The following DOT1L variants were observed in gnomAD, a reference collection of about 807,000 sequenced individuals.
The protein encoded by DOT1L is histone-lysine N-methyltransferase, H3 lysine-79 specific.
In DOT1L, 33 loss-of-function variants were observed where a neutral mutation model predicts 153.3. The ratio of observed to expected loss-of-function variants is 0.22; its 90% CI spans 0.16 to 0.29. The LOEUF is 0.29. Ranked by LOEUF, DOT1L falls within the 10% of genes least tolerant of loss-of-function variation. The pLI, the probability that DOT1L is intolerant of heterozygous loss-of-function variation, is 1.00. For synonymous variants in DOT1L, 1,135 were observed against 965.1 expected (o/e 1.18, Z -3.26); for missense variants, 1,847 against 2,119.9 (o/e 0.87, Z 2.53).
At chr19:2,180,314 G>A (rs1458283408) in intron 1 of DOT1L, among the ~76,000 whole-genome samples, 2 of 152,192 alleles carry the variant, frequency 1.3e-5, no homozygotes, top group East Asian at 1.9e-4. Context: ...GTGGGCCTGC[G>A]GAGCGCGGTC....
chr19:2,171,539 G>A, intron 1 of DOT1L, among the ~76,000 whole-genome samples: 1 of 152,192 alleles, frequency 6.6e-6, no homozygotes, highest in East Asian at 1.9e-4. Context: ...AGAGCTTGGG[G>A]CAGCCCCACC....
chr19:2,211,187 C>T lies in DOT1L; in HGVS notation c.1440C>T (p.Thr480=). The T allele has an allele frequency of 1.2e-6, 2 of 1,611,170 alleles. No individual in the cohort carries two copies. The highest frequency in any genetic ancestry group is 1.7e-6 in the Non-Finnish European group (2 of 1,179,178). ...CCAACCCGCTGCTGGTGGCGCCCAC[C>T]CCGCCCGCGCTGCAGAAGCTTCTAG... ...HSPNPLLVAP[T]PPALQKLLES... Residue 480 remains threonine (T), a synonymous_variant, in exon 15 of 28, where the codon ACC becomes ACT. Transcript: ENST00000398665.
rs199760249 is a variant in DOT1L at position 2,211,169 on chromosome 19, G to A, written c.1422G>A (p.Pro474=). The change falls in exon 15 of 28, where the codon CCG becomes CCA. Residue 474 remains proline (P), a synonymous_variant. Transcript: ENST00000398665. ...PPSVQRHSPN[P]LLVAPTPPAL... The stretch of plus-strand genomic sequence containing the variant: ...GCGTGCAGCGGCACTCCCCCAACCC[G>A]CTGCTGGTGGCGCCCACCCCGCCCG... 416 of 1,612,084 alleles carry A rather than the reference G, an allele frequency of 2.6e-4. No individual in the cohort carries two copies. The highest frequency in any genetic ancestry group is 3.3e-4 in the Non-Finnish European group (392 of 1,179,448).
At chr19:2,205,119 C>T (rs573461507) in intron 9 of DOT1L, among the ~76,000 whole-genome samples, 15 of 152,126 alleles carry the variant, frequency 9.9e-5, no homozygotes, top group South Asian at 2.1e-4. Context: ...TACAGGCGCC[C>T]GCCACCACAC....
intron 1 of DOT1L, among the ~76,000 whole-genome samples, chr19:2,165,782 T>G (rs1228032503): frequency 6.6e-6 from 1 of 151,822 alleles, no homozygotes; most frequent in African/African-American, 2.4e-5. Flanking sequence ...TTTTTTTTTT[T>G]TTTTGAGACG....
chr19:2,194,074 C>T (rs774748956), intron 6 of DOT1L, among the ~76,000 whole-genome samples: 1 of 152,202 alleles, frequency 6.6e-6, no homozygotes, highest in Non-Finnish European at 1.5e-5. Context: ...AGCTCTACCT[C>T]GTGGCACAGC....
At chr19:2,229,300 G>A in intron 27 of DOT1L, 1 of 985,478 alleles carries the variant, frequency 1.0e-6, no homozygotes, top group Non-Finnish European at 1.2e-6. Flanking sequence ...TAGTGCAAAG[G>A]TGCCCTCTGC....
At chr19:2,228,153 A>C (rs1231606112) in intron 27 of DOT1L, 2 of 1,364,424 alleles carry the variant, frequency 1.5e-6, no homozygotes, top group African/African-American at 3.0e-5. Context: ...TTTGTCTATC[A>C]AGCTCACCTC....
chr19:2,230,234 C>T lies in DOT1L; in HGVS notation c.*442C>T, dbSNP rs138329274. On this transcript the variant is annotated 3_prime_UTR_variant, in exon 28 of 28. Transcript: ENST00000398665. ...ACTAGACGCTGACAACGCCGAACCCCGTTCTCGGAAACGCCGCCCGGCCGG... is the reference window on the plus strand; with the variant it reads ...ACTAGACGCTGACAACGCCGAACCCTGTTCTCGGAAACGCCGCCCGGCCGG... The T allele has an allele frequency of 4.4e-3, 1,826 of 413,044 alleles. 7 individuals carry two copies. Among genetic ancestry groups the T allele is most frequent in the Non-Finnish European group, 6.1e-3 (1,441 of 235,114 alleles). 25.6% of individuals were successfully genotyped at this position (413,044 alleles called of 1,614,324 possible). A position where few individuals can be genotyped will look rare whatever the true frequency, so the allele number is the denominator to read the frequency against.
At chr19:2,177,219 T>A (rs1213926383) in intron 1 of DOT1L, among the ~76,000 whole-genome samples, 2 of 152,186 alleles carry the variant, frequency 1.3e-5, no homozygotes, top group African/African-American at 4.8e-5. Context: ...GGGAAGGAGC[T>A]GTGCAGAGCA....
Position 2,217,131 on chromosome 19 carries a change from C to T in DOT1L, c.2544+41C>T, listed in dbSNP as rs777977973. 41 of 1,534,656 alleles carry T rather than the reference C, an allele frequency of 2.7e-5. No individual in the cohort carries two copies. The highest frequency in any genetic ancestry group is 3.3e-5 in the Non-Finnish European group (38 of 1,141,932). On this transcript the variant is annotated intron_variant, in intron 21 of 27. Coordinates refer to ENST00000398665, the MANE Select transcript of DOT1L (RefSeq NM_032482.3). This position sits in a 1 kb window ranked among gnomAD's most constrained non-coding sequence, Gnocchi z 7.3. The stretch of plus-strand genomic sequence containing the variant: ...CCTGCCCCGGGCTCAGGGAGGTGCT[C>T]AGCAGAGGCGGCCTGAGCGAGTTGC...
At chr19:2,175,057 G>C (rs2021859180) in intron 1 of DOT1L, among the ~76,000 whole-genome samples, 1 of 151,048 alleles carries the variant, frequency 6.6e-6, no homozygotes, top group Admixed American at 6.6e-5. Context: ...GGAGTGCAGT[G>C]GCGCCATCTC....
intron 8 of DOT1L, among the ~76,000 whole-genome samples, chr19:2,201,892 T>G (rs186612168): frequency 1.4e-4 from 21 of 152,314 alleles, no homozygotes; most frequent in Middle Eastern, 3.4e-3. Context: ...GAGGGACTCC[T>G]CCCACAGGCT....
intron 2 of DOT1L, among the ~76,000 whole-genome samples, chr19:2,184,713 C>A (rs1043387008): frequency 6.6e-6 from 1 of 152,144 alleles, no homozygotes; most frequent in Non-Finnish European, 1.5e-5. Flanking sequence ...CTGATGGCAC[C>A]GAATGCCGTC....
In DOT1L at chr19:2,230,578, T is replaced by C. The variant is rs925953899; in HGVS notation, c.*786T>C. 7.5e-6 allele frequency: 3 copies of C among 398,578 alleles called. No homozygotes were observed. Among genetic ancestry groups the C allele is most frequent in the Non-Finnish European group, 1.3e-5 (3 of 226,102 alleles). The allele number at this position is 398,578 out of a possible 1,614,324, so 24.7% of individuals were successfully genotyped here. On this transcript the variant is annotated 3_prime_UTR_variant, in exon 28 of 28. Transcript: ENST00000398665. ...CCATGGCTCGCAGCATGCCCTGCGA[T>C]GCGGGGCAGGCCTGTCGTGGGTCCC...
intron 3 of DOT1L, among the ~76,000 whole-genome samples, chr19:2,187,889 T>G (rs1240926528): frequency 1.4e-5 from 2 of 139,682 alleles, no homozygotes; most frequent in East Asian, 2.2e-4. Flanking sequence ...GCCACCGCAC[T>G]CCAGCCTGGG....
At chr19:2,171,488 A>G (rs1467881291) in intron 1 of DOT1L, among the ~76,000 whole-genome samples, 1 of 152,078 alleles carries the variant, frequency 6.6e-6, no homozygotes, top group Non-Finnish European at 1.5e-5. Context: ...GGTTGTCACC[A>G]CCGGGGTGGG....
intron 5 of DOT1L, among the ~76,000 whole-genome samples, chr19:2,192,459 G>T (rs566600035): frequency 6.9e-4 from 105 of 152,300 alleles, no homozygotes; most frequent in African/African-American, 2.1e-3. Flanking sequence ...GAGCTCCTGA[G>T]GTCAGGAGTT....
chr19:2,216,481 C>T lies in DOT1L; in HGVS notation c.2124C>T (p.Ser708=). The change falls in exon 20 of 28, where the codon AGC becomes AGT. Residue 708 remains serine, a synonymous_variant. Coordinates refer to ENST00000398665, the MANE Select transcript of DOT1L (RefSeq NM_032482.3). ...KFSLPHLSSM[S]PELSMNGQAA... is the part of the protein sequence containing the mutation. ...CGCTGCCTCACTTGAGCAGCATGAG[C>T]CCGGAGCTCTCCATGAACGGCCAGG... The T allele has an allele frequency of 6.2e-7, 1 of 1,612,672 alleles. No homozygotes were observed.
Sources: gnomAD v4.1 joint callset for allele counts (sites outside exome capture counted in the v4.1 genomes callset) on GRCh38, gnomAD v4.1.1 for gene constraint, Gnocchi (gnomAD v3.1) non-coding constraint, MANE v1.5 for transcripts, NCBI Gene and HGNC (gene_info 2026-07-23, HGNC 2026-07-21) for gene names.